The following GPM6A variants were observed in gnomAD, a reference collection of about 807,000 sequenced individuals.
GPM6A encodes neuronal membrane glycoprotein M6-a.
In GPM6A, 7 loss-of-function variants were observed where a neutral mutation model predicts 32.1. The ratio of observed to expected loss-of-function variants is 0.22; its 90% CI spans 0.12 to 0.41. GPM6A has a LOEUF of 0.41. Ranked by LOEUF, GPM6A falls within the 10% of genes least tolerant of loss-of-function variation. GPM6A has a pLI of 1.00. For missense variants in GPM6A, 235 were observed against 347.2 expected (o/e 0.68, Z 2.57); for synonymous variants, 130 against 123.4 (o/e 1.05, Z -0.35).
intron 1 of GPM6A, among the ~76,000 whole-genome samples, chr4:175,809,965 C>T (rs1734849708): frequency 6.6e-6 from 1 of 152,122 alleles, no homozygotes; most frequent in African/African-American, 2.4e-5. Flanking sequence ...TAAGAAAAGA[C>T]TGAAAAGCCA....
At chr4:175,752,107 T>C (rs181689852) in intron 1 of GPM6A, among the ~76,000 whole-genome samples, 7 of 152,286 alleles carry the variant, frequency 4.6e-5, no homozygotes, top group Admixed American at 4.6e-4. Flanking sequence ...TTTTTCAACA[T>C]TTCCACATAC....
chr4:175,751,241 TATC>T (rs1270539994), intron 1 of GPM6A, among the ~76,000 whole-genome samples: 4 of 152,102 alleles, frequency 2.6e-5, no homozygotes, highest in African/African-American at 7.2e-5. Context: ...AGACATGAAA[TATC>T]ATAAAATATA....
At chr4:175,774,573 A>G (rs1399976939) in intron 1 of GPM6A, among the ~76,000 whole-genome samples, 2 of 152,082 alleles carry the variant, frequency 1.3e-5, no homozygotes, top group African/African-American at 4.8e-5. Context: ...CATTCTTAAG[A>G]GAAACTAAAA....
intron 1 of GPM6A, among the ~76,000 whole-genome samples, chr4:175,999,357 G>A (rs1221541754): frequency 1.3e-5 from 2 of 152,136 alleles, no homozygotes; most frequent in African/African-American, 4.8e-5. Flanking sequence ...TGTTAGCCCT[G>A]CAGTTTTTTT....
chr4:175,753,389 ATAT>A lies in GPM6A; in HGVS notation c.38-51625_38-51623del, dbSNP rs769843047. On this transcript the variant is annotated intron_variant, in intron 1 of 6. Transcript: ENST00000393658. ...ACATATGTATAGAGAAAGCATAGGCATATTATTAACTTAGATTGCAAATAAAAA... is the reference window on the plus strand; with the variant it reads ...ACATATGTATAGAGAAAGCATAGGCATATTAACTTAGATTGCAAATAAAAA... 6.6e-5 allele frequency among the ~76,000 whole-genome samples: 10 copies of A among 152,320 alleles called. No homozygotes were observed. In the East Asian group the frequency reaches 1.9e-3, roughly 29 times the overall value.
In GPM6A at chr4:175,844,024, G is replaced by A. The variant is rs573323328; in HGVS notation, c.-22-31775C>T. On this transcript the variant is annotated intron_variant, in intron 1 of 7. Coordinates refer to the GPM6A transcript ENST00000280187. Reference sequence around the variant, plus strand: ...ATACATAAGTCCTTAGCTACAATTAGCAGCTACCCTTAATGTCTCTTCTTG... The same window carrying A: ...ATACATAAGTCCTTAGCTACAATTAACAGCTACCCTTAATGTCTCTTCTTG... Among the ~76,000 whole-genome samples, 252 of 152,186 alleles carry A rather than the reference G, an allele frequency of 1.7e-3. 1 individual carries two copies. Among genetic ancestry groups the A allele is most frequent in the African/African-American group, 5.8e-3 (242 of 41,532 alleles).
intron 1 of GPM6A, among the ~76,000 whole-genome samples, chr4:175,986,587 G>A (rs1740982308): frequency 6.6e-6 from 1 of 152,104 alleles, no homozygotes; most frequent in Non-Finnish European, 1.5e-5. Flanking sequence ...AATTTTTGCA[G>A]TACTTGACGT....
At chr4:175,722,153 G>A (rs1022626862) in intron 1 of GPM6A, among the ~76,000 whole-genome samples, 13 of 151,832 alleles carry the variant, frequency 8.6e-5, no homozygotes, top group Admixed American at 2.0e-4. Context: ...CTGGTGCGGG[G>A]GTGTGCACTT....
intron 1 of GPM6A, among the ~76,000 whole-genome samples, chr4:175,743,380 C>T (rs1202069555): frequency 1.3e-5 from 2 of 151,454 alleles, no homozygotes; most frequent in Non-Finnish European, 2.9e-5. Flanking sequence ...TGGGGAACCA[C>T]TAAGAACATT....
At chr4:175,668,617 T>TA (rs1440431048) in intron 3 of GPM6A, among the ~76,000 whole-genome samples, 1 of 151,506 alleles carries the variant, frequency 6.6e-6, no homozygotes, top group East Asian at 2.0e-4. Context: ...AAATTCATCT[T>TA]AGGCCTCCTT....
chr4:175,636,936 G>A (rs1343224656), intron 6 of GPM6A, among the ~76,000 whole-genome samples: 6 of 123,254 alleles, frequency 4.9e-5, no homozygotes, highest in Admixed American at 2.8e-4. Flanking sequence ...TTTCACTCAT[G>A]CATATATATA....
At chr4:175,731,814 T>C (rs1013154463) in intron 1 of GPM6A, among the ~76,000 whole-genome samples, 20 of 152,174 alleles carry the variant, frequency 1.3e-4, no homozygotes, top group African/African-American at 4.8e-4. Context: ...TCTGACCTTA[T>C]CTTTGCTGAG....
chr4:175,855,808 AT>A (rs902568203), intron 1 of GPM6A, among the ~76,000 whole-genome samples: 1 of 152,228 alleles, frequency 6.6e-6, no homozygotes, highest in African/African-American at 2.4e-5. Context: ...ACACATGGAA[AT>A]ATTTGTAAAT....
At chr4:175,728,436 C>T (rs1465415801) in intron 1 of GPM6A, among the ~76,000 whole-genome samples, 1 of 152,080 alleles carries the variant, frequency 6.6e-6, no homozygotes, top group Non-Finnish European at 1.5e-5. Context: ...TTTTGTTTTC[C>T]AACCTTTGTG....
intron 1 of GPM6A, among the ~76,000 whole-genome samples, chr4:175,971,373 C>A (rs545278308): frequency 6.6e-6 from 1 of 152,072 alleles, no homozygotes; most frequent in African/African-American, 2.4e-5. Context: ...TTTATTTTCA[C>A]AGCTGCAATC....
intron 1 of GPM6A, among the ~76,000 whole-genome samples, chr4:175,982,424 G>A (rs140481875): frequency 6.6e-6 from 1 of 152,168 alleles, no homozygotes; most frequent in East Asian, 1.9e-4. Flanking sequence ...TCTTTATAAT[G>A]TACAAGTTAG....
intron 1 of GPM6A, among the ~76,000 whole-genome samples, chr4:175,936,798 G>T (rs570356154): frequency 1.1e-4 from 16 of 152,044 alleles, no homozygotes; most frequent in Admixed American, 5.2e-4. Flanking sequence ...AAATTGTAGT[G>T]GGGGGTTCAT....
rs76962048 is a variant in GPM6A, at chr4:175,907,919, T to C, written c.-23+94390A>G. On this transcript the variant is annotated intron_variant, in intron 1 of 7. Coordinates refer to the GPM6A transcript ENST00000280187. The stretch of plus-strand genomic sequence containing the variant: ...TTTTTCCTCCTTATTCTGTCTTTTG[T>C]TATAGGGGCCTCAGCCATAAACCTA... 5.7e-3 allele frequency among the ~76,000 whole-genome samples: 865 copies of C among 152,268 alleles called. 5 individuals carry two copies. Among genetic ancestry groups the C allele is most frequent in the African/African-American group, 0.02 (811 of 41,554 alleles).
intron 1 of GPM6A, among the ~76,000 whole-genome samples, chr4:175,947,964 G>A (rs1043213303): frequency 6.6e-6 from 1 of 152,222 alleles, no homozygotes; most frequent in South Asian, 2.1e-4. Context: ...GATGAATGAA[G>A]GAACAAAGCC....
Sources: gnomAD v4.1 joint callset for allele counts (sites outside exome capture counted in the v4.1 genomes callset) on GRCh38, gnomAD v4.1.1 for gene constraint, MANE v1.5 for transcripts, NCBI Gene and HGNC (gene_info 2026-07-23, HGNC 2026-07-21) for gene names.